The following SP140 variants were observed in gnomAD, a reference collection of about 807,000 sequenced individuals.
The protein encoded by SP140 is nuclear body protein SP140.
In SP140, 81 loss-of-function variants were observed where a neutral mutation model predicts 125.0. That is an observed-to-expected ratio of 0.65 (90% CI 0.54 to 0.78). The LOEUF (loss-of-function observed/expected upper bound fraction) is 0.78. SP140 is among the 30% of genes least tolerant of loss of function. SP140 has a pLI of 0.00. For missense variants in SP140, 858 were observed against 1,037.0 expected (o/e 0.83, Z 2.37); for synonymous variants, 312 against 354.0 (o/e 0.88, Z 1.33).
intron 3 of SP140, 95 bp downstream of exon 3, chr2:230,238,476 CTG>C: frequency 8.3e-7 from 1 of 1,207,866 alleles, no homozygotes; most frequent in South Asian, 1.4e-5. Context: ...AAATATTTGA[CTG>C]AGTGACTATT....
chr2:230,228,553 A>C (rs1305039729), intron 1 of SP140, among the ~76,000 whole-genome samples: 1 of 152,202 alleles, frequency 6.6e-6, no homozygotes, highest in African/African-American at 2.4e-5. Context: ...TTTTTGCCTC[A>C]TACATTTTGC....
chr2:230,307,990 T>TATATATACAC (rs869070046), intron 22 of SP140, among the ~76,000 whole-genome samples: 30 of 52,632 alleles, frequency 5.7e-4, no homozygotes, highest in African/African-American at 1.1e-3. Context: ...TATATATATA[T>TATATATACAC]ACACACACAC....
intron 4 of SP140, among the ~76,000 whole-genome samples, chr2:230,241,728 G>T (rs536323239): frequency 6.6e-6 from 1 of 152,180 alleles, no homozygotes. Flanking sequence ...AGAGAAAATG[G>T]GAAAGGTAGA....
chr2:230,221,281 G>GAAAAA, upstream of SP140, among the ~76,000 whole-genome samples: 1 of 82,668 alleles, frequency 1.2e-5, no homozygotes, highest in East Asian at 3.6e-4. Context: ...ACTCCATCTC[G>GAAAAA]AAAAAAAAAA....
intron 12 of SP140, among the ~76,000 whole-genome samples, chr2:230,261,770 T>C (rs2052294949): frequency 1.3e-5 from 2 of 152,224 alleles, no homozygotes; most frequent in Non-Finnish European, 2.9e-5. Flanking sequence ...GACTTGCATA[T>C]GTTAAGCCAT....
chr2:230,241,072 T>C (rs757987007), intron 3 of SP140, among the ~76,000 whole-genome samples: 25 of 152,110 alleles, frequency 1.6e-4, no homozygotes, highest in Non-Finnish European at 2.8e-4. Flanking sequence ...CATGATCCTA[T>C]TTATATAAGT....
At chr2:230,290,386 T>C (rs2056978317) in intron 18 of SP140, 74 bp from the exon 19 acceptor site, 2 of 1,335,220 alleles carry the variant, frequency 1.5e-6, no homozygotes, top group South Asian at 1.2e-5. Flanking sequence ...CGTGTCTTTA[T>C]AGGAATTACC....
intron 12 of SP140, among the ~76,000 whole-genome samples, chr2:230,258,621 T>C (rs564624760): frequency 1.3e-4 from 20 of 152,340 alleles, no homozygotes; most frequent in Non-Finnish European, 2.5e-4. Context: ...GGTATTTCCA[T>C]TTACAAAATA....
intron 1 of SP140, among the ~76,000 whole-genome samples, chr2:230,204,136 G>A (rs1276923462): frequency 6.6e-6 from 1 of 152,178 alleles, no homozygotes; most frequent in African/African-American, 2.4e-5. Flanking sequence ...TATGAAGAAA[G>A]GCAAATCTGG....
intron 26 of SP140, 31 bp from the exon 27 acceptor site, chr2:230,312,555 A>T: frequency 7.0e-7 from 1 of 1,421,260 alleles, no homozygotes; most frequent in Middle Eastern, 1.8e-4. Context: ...AATGATGAGG[A>T]GCATTGTTTT....
Position 230,312,581 on chromosome 2 carries a change from T to C in SP140, c.2506-5T>C. 1 of 1,591,024 alleles carries C rather than the reference T, an allele frequency of 6.3e-7. No individual in the cohort carries two copies. The highest frequency in any genetic ancestry group is 2.2e-5 in the East Asian group (1 of 44,660). On this transcript the variant is annotated splice_region_variant and splice_polypyrimidine_tract_variant and intron_variant, in intron 26 of 26. Coordinates refer to ENST00000392045, the MANE Select transcript of SP140 (RefSeq NM_007237.5). ...GCATTGTTTTTGTCTTTATTATTTT[T>C]TCAGTACAAGGATTTTGGCCAAATG... is the stretch of plus-strand genomic sequence containing the variant.
the SP140 span, among the ~76,000 whole-genome samples, chr2:230,195,451 C>T: frequency 6.6e-6 from 1 of 152,150 alleles, no homozygotes; most frequent in Non-Finnish European, 1.5e-5. Flanking sequence ...TATCGCACCT[C>T]AGCCTCCTGA....
intron 4 of SP140, among the ~76,000 whole-genome samples, chr2:230,241,991 G>T (rs2048796694): frequency 1.3e-5 from 2 of 152,154 alleles, no homozygotes; most frequent in South Asian, 4.1e-4. Context: ...AGAGAGGGGA[G>T]CCTGAAAGAT....
intron 3 of SP140, among the ~76,000 whole-genome samples, chr2:230,240,527 CA>C (rs561945116): frequency 4.9e-4 from 75 of 152,252 alleles, no homozygotes; most frequent in Non-Finnish European, 8.2e-4. Context: ...CATTTCAAGA[CA>C]GGAGATATAA....
At chr2:230,276,343 C>G in intron 15 of SP140, among the ~76,000 whole-genome samples, 1 of 152,048 alleles carries the variant, frequency 6.6e-6, no homozygotes, top group Non-Finnish European at 1.5e-5. Flanking sequence ...TCCTAGGGCC[C>G]TTAAGAATTA....
the SP140 span, among the ~76,000 whole-genome samples, chr2:230,188,004 G>C: frequency 6.6e-6 from 1 of 151,942 alleles, no homozygotes; most frequent in African/African-American, 2.4e-5. Context: ...TGAATTTTAA[G>C]ATTTTTTTTC....
At chr2:230,253,449 G>T (rs750715803) in intron 11 of SP140, 32 bp downstream of exon 11, 5 of 1,506,802 alleles carry the variant, frequency 3.3e-6, no homozygotes, top group Middle Eastern at 1.7e-4. Context: ...AGGTATTTGA[G>T]TACATCTTTG....
chr2:230,229,518 A>T (rs1366634619), intron 1 of SP140, among the ~76,000 whole-genome samples: 3 of 111,190 alleles, frequency 2.7e-5, no homozygotes, highest in Non-Finnish European at 4.9e-5. Flanking sequence ...CCCAGGCTGG[A>T]GTACAGTGGT....
chr2:230,264,678 C>A (rs758716224), intron 12 of SP140, among the ~76,000 whole-genome samples: 1 of 152,146 alleles, frequency 6.6e-6, no homozygotes. Context: ...CCTTGATGTA[C>A]TATTCTCCTC....
Sources: gnomAD v4.1 joint callset for allele counts (sites outside exome capture counted in the v4.1 genomes callset) on GRCh38, gnomAD v4.1.1 for gene constraint, MANE v1.5 for transcripts, NCBI Gene and HGNC (gene_info 2026-07-23, HGNC 2026-07-21) for gene names.